ZNF532: variants seen among roughly 807,000 people sequenced by gnomAD.
The protein encoded by ZNF532 is zinc finger protein 532.
A neutral mutation model predicts 89.3 loss-of-function variants in ZNF532; 22 were observed. That is an observed-to-expected ratio of 0.25 (90% CI 0.18 to 0.35). ZNF532 has a LOEUF of 0.35. Among genes scored for constraint, ZNF532 ranks in the 10% least tolerant of loss-of-function variants. The pLI, the probability that ZNF532 is intolerant of heterozygous loss-of-function variation, is 1.00. For missense variants in ZNF532, 1,132 were observed against 1,643.4 expected, an observed-to-expected ratio of 0.69 and a Z score of 5.38; for synonymous variants, 606 against 649.6, an observed-to-expected ratio of 0.93 and a Z score of 1.02.
At chr18:58,980,703 C>T (rs1283204953) in intron 8 of ZNF532, 1 of 152,340 alleles carries the variant, frequency 6.6e-6, no homozygotes, top group Non-Finnish European at 1.5e-5. Context: ...AGTGCAATGG[C>T]ATGATCTCGG....
At chr18:58,948,800 G>A (rs775529129) in intron 6 of ZNF532, among the ~76,000 whole-genome samples, 30 of 152,034 alleles carry the variant, frequency 2.0e-4, no homozygotes, top group Non-Finnish European at 3.8e-4. Flanking sequence ...CAGGTGATCC[G>A]CCTGCCTTGT....
rs796837430 is a variant in ZNF532, at chr18:58,873,446, A to AT, written c.-18+7878dup. Reference sequence around the variant, plus strand: ...AAGCTGGTCTTTGATGATTTTGCTGATTTTTTTTTTTGTTTTTTCTGGGAT... The same window carrying AT: ...AAGCTGGTCTTTGATGATTTTGCTGATTTTTTTTTTTTGTTTTTTCTGGGAT... On this transcript the variant is annotated intron_variant, in intron 2 of 9. Coordinates refer to ENST00000591808, the MANE Select transcript of ZNF532 (RefSeq NM_001375912.1). Among the ~76,000 whole-genome samples, 1,198 of 146,708 alleles carry AT rather than the reference A, an allele frequency of 8.2e-3. 9 individuals are homozygous for AT. Among genetic ancestry groups the AT allele is most frequent in the African/African-American group, 0.026 (1,057 of 40,252 alleles).
rs749696751 is a variant in ZNF532 at position 58,918,421 on chromosome 18, C to T, written c.134C>T (p.Ala45Val). 8 of 1,614,068 alleles carry T rather than the reference C, an allele frequency of 5.0e-6. No individual in the cohort carries two copies. Among genetic ancestry groups the T allele is most frequent in the Non-Finnish European group, 6.8e-6 (8 of 1,180,050 alleles). ...CATGAAAGCCACATGAAGCAGAATG[C>T]TCACGGAGAGGATGACTCCCACGCA... is the stretch of plus-strand genomic sequence containing the variant. Reference protein sequence around the residue: ...DDHESHMKQNAHGEDDSHAPS... With the variant: ...DDHESHMKQNVHGEDDSHAPS... Residue 45 changes from alanine (A) to valine (V), a missense_variant, in exon 3 of 10, where the codon GCT becomes GTT. By Grantham distance (64) the Ala-to-Val change is moderately conservative. Transcript: ENST00000591808.
intron 2 of ZNF532, among the ~76,000 whole-genome samples, chr18:58,879,794 G>A (rs1301176831): frequency 2.6e-5 from 4 of 152,220 alleles, no homozygotes; most frequent in Non-Finnish European, 5.9e-5. Flanking sequence ...ATTTTCCTTC[G>A]TTCATTCCGT....
At chr18:58,939,246 C>CAAAAAAAA (rs71336307) in intron 4 of ZNF532, among the ~76,000 whole-genome samples, 199 bp from the exon 5 acceptor site, 31 of 34,506 alleles carry the variant, frequency 9.0e-4, no homozygotes, top group African/African-American at 2.7e-3. Context: ...GACGTTGTCT[C>CAAAAAAAA]AAAAAAAAAA....
chr18:58,926,831 A>G (rs1044377866), intron 3 of ZNF532, among the ~76,000 whole-genome samples: 2 of 152,078 alleles, frequency 1.3e-5, no homozygotes, highest in African/African-American at 4.8e-5. Context: ...TGGATAGATT[A>G]TACTGATTTT....
At chr18:58,888,678 A>C (rs1472557948) in intron 2 of ZNF532, among the ~76,000 whole-genome samples, 2 of 103,738 alleles carry the variant, frequency 1.9e-5, no homozygotes, top group African/African-American at 7.7e-5. Flanking sequence ...CTCTGTCTCC[A>C]AGGAAGGCAA....
At chr18:58,887,813 C>T (rs961242365) in intron 2 of ZNF532, among the ~76,000 whole-genome samples, 5 of 152,136 alleles carry the variant, frequency 3.3e-5, no homozygotes, top group South Asian at 2.1e-4. Flanking sequence ...GGGCGAGCTG[C>T]GGTCAGTGCC....
At chr18:58,867,873 T>A (rs1472173983) in intron 2 of ZNF532, among the ~76,000 whole-genome samples, 7 of 152,232 alleles carry the variant, frequency 4.6e-5, no homozygotes, top group Non-Finnish European at 1.5e-5. Flanking sequence ...ACACGCTCTC[T>A]TTTTCTTCTG....
intron 7 of ZNF532, among the ~76,000 whole-genome samples, chr18:58,978,081 G>A (rs575312691): frequency 3.9e-5 from 6 of 152,256 alleles, no homozygotes; most frequent in Non-Finnish European, 7.4e-5. Context: ...TTACTTCAAA[G>A]GTTCTGCATG....
intron 2 of ZNF532, among the ~76,000 whole-genome samples, chr18:58,886,018 C>T (rs531543541): frequency 8.0e-4 from 122 of 152,166 alleles, no homozygotes; most frequent in Admixed American, 1.8e-3. Flanking sequence ...GTTCTGTCAT[C>T]GCAGCTGGTG....
At chr18:58,872,698 CTT>C (rs146289274) in intron 2 of ZNF532, among the ~76,000 whole-genome samples, 18 of 138,520 alleles carry the variant, frequency 1.3e-4, no homozygotes, top group Admixed American at 3.7e-4. Context: ...CAACATTTAT[CTT>C]TTTTTTTTTT....
At chr18:58,962,174 C>T (rs774390546) in intron 7 of ZNF532, among the ~76,000 whole-genome samples, 6 of 151,700 alleles carry the variant, frequency 4.0e-5, no homozygotes, top group African/African-American at 7.3e-5. Context: ...TGCGGTGAGC[C>T]GAGATTACGC....
intron 2 of ZNF532, among the ~76,000 whole-genome samples, chr18:58,889,381 T>A (rs1030627834): frequency 2.0e-5 from 3 of 152,236 alleles, no homozygotes; most frequent in Non-Finnish European, 4.4e-5. Flanking sequence ...TTGAGCCATA[T>A]AACACATATC....
chr18:58,923,908 G>A (rs1255180246), intron 3 of ZNF532, among the ~76,000 whole-genome samples: 1 of 152,048 alleles, frequency 6.6e-6, no homozygotes, highest in Non-Finnish European at 1.5e-5. Context: ...CCAGGCTGGA[G>A]TGCAGTGGCA....
chr18:58,881,282 C>T (rs959655556), intron 2 of ZNF532, among the ~76,000 whole-genome samples: 4 of 151,952 alleles, frequency 2.6e-5, no homozygotes, highest in African/African-American at 9.7e-5. Context: ...CAGGGGCCTG[C>T]CACCAAGCCC....
At chr18:58,873,516 T>C (rs1051888049) in intron 2 of ZNF532, among the ~76,000 whole-genome samples, 1 of 152,062 alleles carries the variant, frequency 6.6e-6, no homozygotes, top group Non-Finnish European at 1.5e-5. Context: ...TGGCGCAATC[T>C]TGGCTCACTG....
chr18:58,882,020 C>T (rs1025209211), intron 2 of ZNF532, among the ~76,000 whole-genome samples: 5 of 151,956 alleles, frequency 3.3e-5, no homozygotes, highest in African/African-American at 1.2e-4. Context: ...TACAGTGGTG[C>T]AATCTCAGCT....
intron 2 of ZNF532, among the ~76,000 whole-genome samples, chr18:58,900,577 T>C (rs999786735): frequency 6.6e-6 from 1 of 152,144 alleles, no homozygotes; most frequent in African/African-American, 2.4e-5. Flanking sequence ...CATGGCAGCC[T>C]CCTACCAGAC....
Sources: allele counts gnomAD v4.1 joint callset (sites outside exome capture counted in the v4.1 genomes callset), GRCh38; gene constraint gnomAD v4.1.1; transcripts MANE v1.5; gene names NCBI Gene and HGNC (gene_info 2026-07-23, HGNC 2026-07-21).